The following ZNF292 variants were observed in gnomAD, a reference collection of about 807,000 sequenced individuals.
ZNF292 encodes the protein 16 zinc-finger domain protein.
Under a neutral mutation model 217.9 loss-of-function variants are expected in ZNF292, and 26 were observed. That is an observed-to-expected ratio of 0.12 (90% confidence interval 0.09 to 0.17). ZNF292 has a LOEUF of 0.17. Ranked by LOEUF, ZNF292 falls within the 10% of genes least tolerant of loss-of-function variation. The pLI, the probability that ZNF292 is intolerant of heterozygous loss-of-function variation, is 1.00. For missense variants in ZNF292, 2,904 were observed against 3,175.2 expected, an observed-to-expected ratio of 0.91 and a Z score of 2.05; for synonymous variants, 1,257 against 1,124.1, an observed-to-expected ratio of 1.12 and a Z score of -2.37.
chr6:87,245,679 G>A (rs1774536529), intron 7 of ZNF292, 35 bp downstream of exon 7: 3 of 1,302,678 alleles, frequency 2.3e-6, no homozygotes, highest in Admixed American at 2.6e-5. Context: ...AGGTTAAAAT[G>A]TGTACATTAT....
chr6:87,228,440 TGTA>T (rs1309172490), intron 4 of ZNF292, among the ~76,000 whole-genome samples: 4 of 152,194 alleles, frequency 2.6e-5, no homozygotes, highest in South Asian at 2.1e-4. Context: ...TTAAGTGTGA[TGTA>T]GTTTTATTTT....
chr6:87,172,117 T>C (rs1017810673), intron 1 of ZNF292, among the ~76,000 whole-genome samples: 8 of 152,234 alleles, frequency 5.3e-5, no homozygotes, highest in African/African-American at 1.9e-4. Context: ...TACTGTGTAC[T>C]CTTTACCCTA....
intron 1 of ZNF292, among the ~76,000 whole-genome samples, chr6:87,212,414 T>G (rs1772532819): frequency 6.6e-6 from 1 of 152,198 alleles, no homozygotes; most frequent in African/African-American, 2.4e-5. Context: ...GGGGTGGGGC[T>G]ACAAGTTCCA....
chr6:87,206,214 A>G (rs985281532), intron 1 of ZNF292, among the ~76,000 whole-genome samples: 4 of 152,218 alleles, frequency 2.6e-5, no homozygotes, highest in Non-Finnish European at 5.9e-5. Flanking sequence ...CTTGGTCAGA[A>G]CAGGTCACAT....
chr6:87,260,306 C>T lies in ZNF292; in HGVS notation c.6677C>T (p.Ser2226Leu), dbSNP rs1775495814. ...TGTGACCAGTTAGAGTGTAAATCTT[C>T]ATTTACTACATATTTGAACTATGTT... ...FPCDQLECKSSFTTYLNYVVH... is the reference protein window; with the variant it reads ...FPCDQLECKSLFTTYLNYVVH... The change falls in exon 8 of 8, where the codon TCA (serine) becomes TTA (leucine). Residue 2226 changes from serine to leucine, a missense_variant. Around this residue, in one of 15 missense-constraint regions of ZNF292, gnomAD observed 55 missense variants for 99.8 expected, o/e 0.55. Transcript: ENST00000369577. The T allele has an allele frequency of 2.5e-6, 4 of 1,613,372 alleles. No individual in the cohort carries two copies.
intron 1 of ZNF292, among the ~76,000 whole-genome samples, chr6:87,186,113 T>A (rs756743702): frequency 7.9e-5 from 12 of 152,234 alleles, no homozygotes; most frequent in Non-Finnish European, 1.2e-4. Context: ...AACCTTGTAG[T>A]CATGCTTTGG....
At chr6:87,169,393 A>G (rs1771025203) in intron 1 of ZNF292, among the ~76,000 whole-genome samples, 1 of 151,756 alleles carries the variant, frequency 6.6e-6, no homozygotes. Flanking sequence ...ATCTATGGGT[A>G]TGGAACCCAT....
At chr6:87,166,313 A>G (rs1770912518) in intron 1 of ZNF292, among the ~76,000 whole-genome samples, 1 of 152,202 alleles carries the variant, frequency 6.6e-6, no homozygotes, top group African/African-American at 2.4e-5. Context: ...ATAACTTTGC[A>G]GTGTTACAAT....
intron 7 of ZNF292, chr6:87,249,368 T>A (rs1307982088): frequency 4.6e-6 from 2 of 430,636 alleles, no homozygotes; most frequent in Non-Finnish European, 9.3e-6. Flanking sequence ...CTCAAGTAAT[T>A]CTCCGTGCCT....
At position 87,155,702 on chromosome 6, in the gene ZNF292, G is replaced by A. The variant is rs1482741448; in HGVS notation, c.111G>A (p.Arg37=). 1.9e-6 allele frequency: 3 copies of A among 1,595,986 alleles called. No individual in the cohort carries two copies. Among genetic ancestry groups the A allele is most frequent in the Non-Finnish European group, 2.6e-6 (3 of 1,173,158 alleles). The change falls in exon 1 of 8, where the codon CGG becomes CGA. Residue 37 remains arginine (R), a synonymous_variant. Transcript: ENST00000369577. The part of the protein sequence containing the change: ...ERLQELELQL[R]ESRVPAVEAA... Reference sequence around the variant, plus strand: ...TCCAGGAGCTGGAGCTACAGCTGCGGGAGAGCCGGGTACCGGCCGTGGAAG... The same window carrying A: ...TCCAGGAGCTGGAGCTACAGCTGCGAGAGAGCCGGGTACCGGCCGTGGAAG...
intron 1 of ZNF292, chr6:87,170,102 A>G (rs1340279862): frequency 6.6e-6 from 1 of 152,202 alleles, no homozygotes; most frequent in Non-Finnish European, 1.5e-5. Flanking sequence ...AGCATTGTCA[A>G]TTTATATTCT....
Position 87,218,698 on chromosome 6 carries a change from A to G in ZNF292, c.505A>G (p.Ile169Val), listed in dbSNP as rs746738863. ...GVWKNPVLCTILSQEPLDKDK... is the reference protein window; with the variant it reads ...GVWKNPVLCTVLSQEPLDKDK... ...GTGGAAAAACCCGGTACTGTGCACTATTCTTTCCCAGGAACCATTGGATAA... is the reference window on the plus strand; with the variant it reads ...GTGGAAAAACCCGGTACTGTGCACTGTTCTTTCCCAGGAACCATTGGATAA... Residue 169 changes from isoleucine (I) to valine (V), a missense_variant, in exon 4 of 8, where the codon ATT becomes GTT. This residue lies in a region of ZNF292 where 313 missense variants were observed against 451.0 expected (regional missense o/e 0.69). Coordinates refer to ENST00000369577, the MANE Select transcript of ZNF292 (RefSeq NM_015021.3). 2.6e-5 allele frequency: 42 copies of G among 1,593,994 alleles called. No individual in the cohort carries two copies. The highest frequency in any genetic ancestry group is 6.8e-5 in the East Asian group (3 of 44,378).
In ZNF292 at chr6:87,256,804, A is replaced by G. The variant is rs1272688156; in HGVS notation, c.3175A>G (p.Asn1059Asp). The G allele has an allele frequency of 6.2e-7, 1 of 1,613,398 alleles. No homozygotes were observed. The highest frequency in any genetic ancestry group is 8.5e-7 in the Non-Finnish European group (1 of 1,179,832). ...TGGAGATAATGTTAAAACATCATCC[A>G]ATCTTTATAATTTACCTCTTAAGAC... ...ECGDNVKTSS[N>D]LYNLPLKTLE... Residue 1059 changes from asparagine (N) to aspartate (D), a missense_variant, in exon 8 of 8, where the codon AAT becomes GAT. Asn to Asp is a conservative substitution (Grantham distance 23, BLOSUM62 1). Transcript: ENST00000369577.
At chr6:87,189,321 T>C (rs1046152641) in intron 1 of ZNF292, among the ~76,000 whole-genome samples, 47 of 152,138 alleles carry the variant, frequency 3.1e-4, no homozygotes, top group African/African-American at 9.7e-4. Context: ...AGTTCACATA[T>C]AGCCACAGTT....
chr6:87,201,797 T>A (rs1401185341), intron 1 of ZNF292, among the ~76,000 whole-genome samples: 1 of 152,262 alleles, frequency 6.6e-6, no homozygotes, highest in African/African-American at 2.4e-5. Context: ...TTATAATTTT[T>A]CTTTCCTGTT....
chr6:87,184,317 A>G (rs1169029079), intron 1 of ZNF292, among the ~76,000 whole-genome samples: 7 of 152,180 alleles, frequency 4.6e-5, no homozygotes, highest in African/African-American at 1.4e-4. Flanking sequence ...TACTCTACAC[A>G]TTTTGTAAGT....
chr6:87,193,310 G>A (rs1398009835), intron 1 of ZNF292, among the ~76,000 whole-genome samples: 3 of 152,092 alleles, frequency 2.0e-5, no homozygotes, highest in South Asian at 2.1e-4. Flanking sequence ...TTTGGGAGGC[G>A]GAGGCAGACA....
At chr6:87,232,800 A>G (rs956784545) in intron 4 of ZNF292, among the ~76,000 whole-genome samples, 7 of 152,016 alleles carry the variant, frequency 4.6e-5, no homozygotes, top group African/African-American at 1.7e-4. Context: ...ATTTTGATTC[A>G]TTATAAAACA....
chr6:87,195,578 T>C (rs1771933008), intron 1 of ZNF292, among the ~76,000 whole-genome samples: 1 of 152,208 alleles, frequency 6.6e-6, no homozygotes, highest in African/African-American at 2.4e-5. Context: ...GTTGGAAATC[T>C]TATAGTTTTC....
Sources: gnomAD v4.1 joint callset for allele counts (sites outside exome capture counted in the v4.1 genomes callset) on GRCh38, gnomAD v4.1.1 for gene constraint, gnomAD v4.1.1 regional missense constraint, MANE v1.5 for transcripts, NCBI Gene and HGNC (gene_info 2026-07-23, HGNC 2026-07-21) for gene names.